The following CDH4 variants were observed in gnomAD, a reference collection of about 807,000 sequenced individuals.
CDH4 encodes cadherin 4, also known as cadherin-4.
CDH4 carries 33 observed loss-of-function variants against 86.0 expected under a neutral mutation model. The observed-to-expected ratio is 0.38, with a 90% CI of 0.29 to 0.51. The LOEUF is 0.51. Among genes scored for constraint, CDH4 ranks in the 20% least tolerant of loss-of-function variants. CDH4 has a pLI of 0.86. For synonymous variants in CDH4, 555 were observed against 549.4 expected (o/e 1.01, Z -0.14); for missense variants, 1,114 against 1,307.4 (o/e 0.85, Z 2.28).
rs185931533 is a variant in CDH4 at position 61,493,901 on chromosome 20, G to A, written c.169+238964G>A. On this transcript the variant is annotated intron_variant, in intron 2 of 15. Transcript: ENST00000614565. ...GTACAAATTGCCATGGAGGCAGGTGGATGCCCCTCAGAGCCTGGCCCATGG... is the reference window on the plus strand; with the variant it reads ...GTACAAATTGCCATGGAGGCAGGTGAATGCCCCTCAGAGCCTGGCCCATGG... 1.6e-4 allele frequency among the ~76,000 whole-genome samples: 24 copies of A among 152,322 alleles called. No homozygotes were observed. In the East Asian group the frequency reaches 4.6e-3, roughly 29 times the overall value.
intron 2 of CDH4, among the ~76,000 whole-genome samples, chr20:61,465,276 G>A (rs767603198): frequency 6.6e-5 from 10 of 152,140 alleles, no homozygotes; most frequent in Non-Finnish European, 1.2e-4. Context: ...GGAAGAATGG[G>A]ATTTTTGTTG....
At chr20:61,643,792 C>G (rs750279049) in intron 2 of CDH4, among the ~76,000 whole-genome samples, 11 of 152,254 alleles carry the variant, frequency 7.2e-5, no homozygotes, top group African/African-American at 2.7e-4. Flanking sequence ...ACTTTGGACC[C>G]GCCCTTTCCT....
chr20:61,291,979 T>C (rs1382328040), intron 2 of CDH4, among the ~76,000 whole-genome samples: 1 of 152,138 alleles, frequency 6.6e-6, no homozygotes, highest in Non-Finnish European at 1.5e-5. Context: ...CTCCCTCTTA[T>C]AAGTGAGAAC....
intron 2 of CDH4, among the ~76,000 whole-genome samples, chr20:61,472,376 T>C (rs985410707): frequency 6.6e-6 from 1 of 152,240 alleles, no homozygotes. Flanking sequence ...TTCTGAATTA[T>C]TGACAAGTAA....
intron 2 of CDH4, among the ~76,000 whole-genome samples, chr20:61,485,003 A>G (rs2085588271): frequency 6.6e-6 from 1 of 152,216 alleles, no homozygotes; most frequent in Non-Finnish European, 1.5e-5. Context: ...TTCATATGCA[A>G]GCATTAATAT....
chr20:61,762,451 CTTCACAGAAA>C (rs1295691577), intron 3 of CDH4, among the ~76,000 whole-genome samples: 1 of 152,214 alleles, frequency 6.6e-6, no homozygotes, highest in Non-Finnish European at 1.5e-5. Flanking sequence ...CTATTTTTAT[CTTCACAGAAA>C]AGGAGGGCTC....
chr20:61,742,314 TTTTCACATGAAAATG>T (rs1407681143), intron 2 of CDH4, among the ~76,000 whole-genome samples: 2 of 152,056 alleles, frequency 1.3e-5, no homozygotes, highest in South Asian at 2.1e-4. Context: ...TTTAAAAACA[TTTTCACATGAAAATG>T]TTTCACATGA....
chr20:61,390,700 A>T (rs1291243978), intron 2 of CDH4, among the ~76,000 whole-genome samples: 1 of 151,624 alleles, frequency 6.6e-6, no homozygotes, highest in Non-Finnish European at 1.5e-5. Context: ...TAGGGTGCCC[A>T]TAGCACCGTG....
At chr20:61,434,103 A>G (rs2085266699) in intron 2 of CDH4, among the ~76,000 whole-genome samples, 1 of 152,116 alleles carries the variant, frequency 6.6e-6, no homozygotes, top group Admixed American at 6.5e-5. Context: ...CTCATGATAC[A>G]TATTATTTGG....
chr20:61,289,141 G>A (rs1001921440), intron 2 of CDH4, among the ~76,000 whole-genome samples: 3 of 152,242 alleles, frequency 2.0e-5, no homozygotes, highest in African/African-American at 7.2e-5. Flanking sequence ...GATGGGGAGG[G>A]CAGAGGAGAA....
chr20:61,748,388 C>T (rs2088445290), intron 3 of CDH4, among the ~76,000 whole-genome samples: 1 of 152,124 alleles, frequency 6.6e-6, no homozygotes, highest in South Asian at 2.1e-4. Context: ...GCCTCGGCCT[C>T]CCAAGGAATA....
intron 2 of CDH4, among the ~76,000 whole-genome samples, chr20:61,452,100 C>T (rs1183998022): frequency 1.3e-5 from 2 of 152,172 alleles, no homozygotes; most frequent in African/African-American, 4.8e-5. Flanking sequence ...GCTGGCTCAG[C>T]CTGTGCTTGG....
At chr20:61,592,190 T>A (rs2086523731) in intron 2 of CDH4, among the ~76,000 whole-genome samples, 1 of 152,198 alleles carries the variant, frequency 6.6e-6, no homozygotes, top group Admixed American at 6.5e-5. Flanking sequence ...GTACTTCCCA[T>A]TTTGTCACAT....
At chr20:61,410,308 C>T (rs1349383156) in intron 2 of CDH4, among the ~76,000 whole-genome samples, 1 of 152,122 alleles carries the variant, frequency 6.6e-6, no homozygotes, top group East Asian at 1.9e-4. Context: ...CTGTTCATTC[C>T]TCCCGTTAGT....
chr20:61,322,095 G>A (rs889354180), intron 2 of CDH4, among the ~76,000 whole-genome samples: 1 of 152,106 alleles, frequency 6.6e-6, no homozygotes, highest in South Asian at 2.1e-4. Flanking sequence ...CCCAGGATTC[G>A]GGTCCAGCAG....
intron 2 of CDH4, among the ~76,000 whole-genome samples, chr20:61,319,585 CCTGGGG>C (rs1175441844): frequency 2.0e-5 from 3 of 151,936 alleles, no homozygotes; most frequent in Non-Finnish European, 2.9e-5. Context: ...TAGGTGGTTG[CCTGGGG>C]CTGGGGCAGG....
intron 2 of CDH4, among the ~76,000 whole-genome samples, chr20:61,327,465 G>C (rs8118029): frequency 8.5e-4 from 130 of 152,272 alleles, no homozygotes; most frequent in African/African-American, 2.9e-3. Flanking sequence ...AGTTTTAAAA[G>C]ATACTCACAT....
rs530390491 is a variant in CDH4, at chr20:61,307,194, G to A, written c.169+52257G>A. ...CTGCTGAGGTCGGGGATGCAAAGGC[G>A]GATCTGCAGTTGGAGCTTGCACTCA... is the stretch of plus-strand genomic sequence containing the variant. On this transcript the variant is annotated intron_variant, in intron 2 of 15. Coordinates refer to ENST00000614565, the MANE Select transcript of CDH4 (RefSeq NM_001794.5). Among the ~76,000 whole-genome samples the A allele has an allele frequency of 7.2e-4, 110 of 152,338 alleles. 1 individual carries two copies. Among genetic ancestry groups the A allele is most frequent in the Non-Finnish European group, 1.0e-3 (70 of 68,034 alleles).
intron 2 of CDH4, among the ~76,000 whole-genome samples, chr20:61,567,753 G>A (rs922369442): frequency 2.0e-5 from 3 of 152,188 alleles, no homozygotes; most frequent in Admixed American, 6.5e-5. Context: ...AGACTAAAAC[G>A]GGAGGATTGT....
Sources: gnomAD v4.1 joint callset for allele counts (sites outside exome capture counted in the v4.1 genomes callset) on GRCh38, gnomAD v4.1.1 for gene constraint, MANE v1.5 for transcripts, NCBI Gene and HGNC (gene_info 2026-07-23, HGNC 2026-07-21) for gene names.